RS1: variants seen among roughly 807,000 people sequenced by gnomAD.
RS1 encodes the protein retinoschisin.
A neutral mutation model predicts 20.8 loss-of-function variants in RS1; 2 were observed. That is an observed-to-expected ratio of 0.10 (90% CI 0.04 to 0.30). The LOEUF (loss-of-function observed/expected upper bound fraction) is 0.30. RS1 is among the 10% of genes least tolerant of loss of function. RS1 has a pLI of 1.00. For missense variants in RS1, 151 were observed against 189.8 expected (o/e 0.80, Z 1.20); for synonymous variants, 70 against 75.8 (o/e 0.92, Z 0.40).
rs892867870 is a variant in RS1, at chrX:18,656,529, C to T, written c.184+124G>A. 6 of 578,621 alleles carry T rather than the reference C, an allele frequency of 1.0e-5. No individual in the cohort carries two copies. The Admixed American group carries it at 1.3e-4, about 13-fold the overall frequency. 47.7% of individuals were successfully genotyped at this position (578,621 alleles called of 1,213,427 possible). A position where few individuals can be genotyped will look rare whatever the true frequency, so the allele number is the denominator to read the frequency against. ...AAATAGTAATAAATACACACAGCTACCACTCATCTTTCATTCTAAAGATGG... is the reference window on the plus strand; with the variant it reads ...AAATAGTAATAAATACACACAGCTATCACTCATCTTTCATTCTAAAGATGG... On this transcript the variant is annotated intron_variant, in intron 3 of 5. Transcript: ENST00000379984.
At chrX:18,645,920 G>A (rs1927751712) in intron 4 of RS1, 1 of 1,195,289 alleles carries the variant, frequency 8.4e-7, no homozygotes, top group Admixed American at 2.2e-5. Context: ...ATGGGATGTG[G>A]GCAGAAGTGG....
At chrX:18,670,285 G>C (rs777777631) in intron 1 of RS1, among the ~76,000 whole-genome samples, 14 of 101,548 alleles carry the variant, frequency 1.4e-4, no homozygotes, top group African/African-American at 4.7e-4. Flanking sequence ...GAGTGCAATG[G>C]CATGATCTCA....
chrX:18,671,767 T>C (rs1433376000), intron 1 of RS1, among the ~76,000 whole-genome samples: 1 of 112,180 alleles, frequency 8.9e-6, no homozygotes, highest in Non-Finnish European at 1.9e-5. Context: ...GGCTATTTTA[T>C]AGATTTCTGA....
chrX:18,659,959 C>G (rs1049638263), intron 1 of RS1, among the ~76,000 whole-genome samples: 7 of 111,644 alleles, frequency 6.3e-5, no homozygotes, highest in Non-Finnish European at 9.4e-5. Context: ...GGCACCAACA[C>G]GAATCTGAAC....
chrX:18,649,106 C>A (rs1569230867), intron 3 of RS1, among the ~76,000 whole-genome samples: 1 of 110,108 alleles, frequency 9.1e-6, no homozygotes, highest in Non-Finnish European at 1.9e-5. Flanking sequence ...TATTATAACT[C>A]CCTACCCCTA....
intron 3 of RS1, chrX:18,650,625 C>G: frequency 8.3e-7 from 1 of 1,199,171 alleles, no homozygotes. Context: ...TGGGGCTCAG[C>G]CTGGGCTGTA....
chrX:18,651,220 A>AGTGTGTGTGTGTGTGTGT (rs3838188), intron 3 of RS1, among the ~76,000 whole-genome samples: 1 of 65,192 alleles, frequency 1.5e-5, no homozygotes, highest in Non-Finnish European at 2.8e-5. Context: ...GGCAGGAGCA[A>AGTGTGTGTGTGTGTGTGT]GTGTGTGTGT....
intron 1 of RS1, among the ~76,000 whole-genome samples, chrX:18,660,571 G>A (rs1928292388): frequency 9.0e-6 from 1 of 111,624 alleles, no homozygotes; most frequent in Admixed American, 9.6e-5. Flanking sequence ...AAAAATTTCC[G>A]ACTAAACCTG....
intron 4 of RS1, 137 bp downstream of exon 4, chrX:18,647,054 T>C (rs1002234185): frequency 1.5e-6 from 1 of 678,750 alleles, no homozygotes; most frequent in Non-Finnish European, 2.3e-6. Flanking sequence ...GTAGCTGGGA[T>C]TACAGGCACG....
chrX:18,642,586 G>C (rs1406496022), intron 5 of RS1, among the ~76,000 whole-genome samples: 2 of 111,815 alleles, frequency 1.8e-5, no homozygotes, highest in Admixed American at 9.5e-5. Flanking sequence ...ATTTTGAAAA[G>C]GCCCACATCA....
chrX:18,655,043 A>C (rs2285135), intron 3 of RS1, among the ~76,000 whole-genome samples: 3,459 of 111,690 alleles, frequency 0.031, 122 homozygotes, highest in East Asian at 0.17. Flanking sequence ...AGCTCTGAGC[A>C]TGGAAAGGAT....
At chrX:18,656,055 C>T (rs940363995) in intron 3 of RS1, among the ~76,000 whole-genome samples, 5 of 92,242 alleles carry the variant, frequency 5.4e-5, no homozygotes, top group East Asian at 6.9e-4. Context: ...TGCAGTGGTA[C>T]GATCACTGCT....
intron 5 of RS1, among the ~76,000 whole-genome samples, chrX:18,642,962 T>A (rs1374633939): frequency 9.0e-6 from 1 of 111,092 alleles, no homozygotes; most frequent in African/African-American, 3.3e-5. Context: ...GGAGAATTAC[T>A]TGAACCCGGG....
At chrX:18,649,371 G>A (rs1434408856) in intron 3 of RS1, among the ~76,000 whole-genome samples, 1 of 111,719 alleles carries the variant, frequency 9.0e-6, no homozygotes, top group African/African-American at 3.3e-5. Flanking sequence ...GTTTTCTGAT[G>A]ATGAATGATA....
Position 18,671,756 on chromosome X carries a change from T to C in RS1, c.52+261A>G, listed in dbSNP as rs768918746. ...CTTTCTCATTAATTGTTGCAACTTA[T>C]GGCTATTTTATAGATTTCTGAGACC... On this transcript the variant is annotated intron_variant, in intron 1 of 5. Coordinates refer to ENST00000379984, the MANE Select transcript of RS1 (RefSeq NM_000330.4). 2.1e-4 allele frequency among the ~76,000 whole-genome samples: 24 copies of C among 112,061 alleles called. 1 individual carries two copies. In the East Asian group the frequency reaches 6.7e-3, roughly 31 times the overall value.
intron 1 of RS1, among the ~76,000 whole-genome samples, chrX:18,660,587 A>G (rs1928292586): frequency 8.9e-6 from 1 of 112,345 alleles, no homozygotes; most frequent in African/African-American, 3.2e-5. Flanking sequence ...ACCTGAGTGT[A>G]AAAAATGGAA....
chrX:18,669,002 A>T lies in RS1; in HGVS notation c.52+3015T>A, dbSNP rs185147631. ...AATTACATCTCAATAAAACTGCTTT[A>T]AAAAAACCCCTGCAATCTCTGATGG... On this transcript the variant is annotated intron_variant, in intron 1 of 5. Transcript: ENST00000379984. Among the ~76,000 whole-genome samples the T allele has an allele frequency of 9.8e-3, 1,099 of 112,239 alleles. 17 individuals carry two copies. The highest frequency in any genetic ancestry group is 0.034 in the African/African-American group (1,049 of 30,939).
rs1479982189 is a variant in RS1 at position 18,647,208 on chromosome X, G to A, written c.309C>T (p.Leu103=). ...YSSWTANKAR[L]NSQGFGCAWL... ...CTGCTTACCCAAAGCCTTGACTGTT[G>A]AGCCGGGCCTTGTTTGCAGTCCACG... The change falls in exon 4 of 6, where the codon CTC becomes CTT. Residue 103 remains leucine, a synonymous_variant. Coordinates refer to ENST00000379984, the MANE Select transcript of RS1 (RefSeq NM_000330.4). 8.3e-7 allele frequency: 1 copy of A among 1,208,612 alleles called. No homozygotes were observed. Among genetic ancestry groups the A allele is most frequent in the Non-Finnish European group, 1.1e-6 (1 of 895,014 alleles).
intron 5 of RS1, 39 bp downstream of exon 5, chrX:18,644,391 G>A (rs748127123): frequency 2.6e-6 from 3 of 1,171,405 alleles, no homozygotes; most frequent in East Asian, 3.0e-5. Context: ...AGTCCCAGAG[G>A]GTGCGAGCTG....
Sources: allele counts gnomAD v4.1 joint callset (sites outside exome capture counted in the v4.1 genomes callset), GRCh38; gene constraint gnomAD v4.1.1; transcripts MANE v1.5; gene names NCBI Gene and HGNC (gene_info 2026-07-23, HGNC 2026-07-21).